Variants in FARP1 observed in about 807,000 individuals in gnomAD.
FARP1 encodes the protein FERM, ARH/RhoGEF and pleckstrin domain protein 1.
Under a neutral mutation model 128.8 loss-of-function variants are expected in FARP1, and 52 were observed. That is an observed-to-expected ratio of 0.40 (90% CI 0.32 to 0.51). The LOEUF (loss-of-function observed/expected upper bound fraction) is 0.51. FARP1 is among the 20% of genes least tolerant of loss of function. The probability of loss-of-function intolerance (pLI) is 0.45; values close to 1 mark genes in which losing one functional copy is unlikely to be tolerated. For synonymous variants in FARP1, 580 were observed against 551.8 expected (o/e 1.05, Z -0.72); for missense variants, 1,333 against 1,367.9 (o/e 0.97, Z 0.40).
chr13:98,330,186 G>T (rs2139822564), intron 2 of FARP1, among the ~76,000 whole-genome samples: 1 of 152,248 alleles, frequency 6.6e-6, no homozygotes, highest in East Asian at 1.9e-4. Context: ...CTGGAGAGGA[G>T]TGAGCCAGAG....
intron 2 of FARP1, among the ~76,000 whole-genome samples, chr13:98,265,831 C>T (rs1250188396): frequency 6.6e-6 from 1 of 152,160 alleles, no homozygotes; most frequent in African/African-American, 2.4e-5. Flanking sequence ...GATGCCGTCA[C>T]AGACTTCACA....
At chr13:98,170,920 T>G (rs959309941) in intron 1 of FARP1, among the ~76,000 whole-genome samples, 1 of 152,208 alleles carries the variant, frequency 6.6e-6, no homozygotes, top group Non-Finnish European at 1.5e-5. Flanking sequence ...TTGGAATTTT[T>G]GTGCACATGG....
intron 18 of FARP1, chr13:98,434,484 G>A (rs1208664846): frequency 6.6e-6 from 1 of 152,192 alleles, no homozygotes; most frequent in Non-Finnish European, 1.5e-5. Context: ...GGAAAGCAGT[G>A]AAAGAGGTAT....
At chr13:98,272,307 G>T (rs1884428319) in intron 2 of FARP1, among the ~76,000 whole-genome samples, 1 of 152,144 alleles carries the variant, frequency 6.6e-6, no homozygotes, top group East Asian at 1.9e-4. Context: ...TGGGATTACA[G>T]GTGTGAGCCA....
At chr13:98,300,607 C>G (rs1017601275) in intron 2 of FARP1, among the ~76,000 whole-genome samples, 2 of 152,238 alleles carry the variant, frequency 1.3e-5, no homozygotes, top group Admixed American at 6.5e-5. Flanking sequence ...GTGGCTTCAT[C>G]AGCTCTTCCA....
intron 18 of FARP1, chr13:98,432,699 C>T (rs1892080887): frequency 1.3e-5 from 2 of 152,314 alleles, no homozygotes; most frequent in South Asian, 4.1e-4. Context: ...CTGACTGCCT[C>T]AGGCTAAAAT....
intron 2 of FARP1, among the ~76,000 whole-genome samples, chr13:98,225,236 A>T (rs1268496733): frequency 6.6e-6 from 1 of 152,172 alleles, no homozygotes; most frequent in African/African-American, 2.4e-5. Context: ...TGGTTTCGTG[A>T]TCCAGTGCCG....
intron 2 of FARP1, among the ~76,000 whole-genome samples, chr13:98,240,215 CG>C (rs2139442603): frequency 6.6e-6 from 1 of 152,272 alleles, no homozygotes; most frequent in African/African-American, 2.4e-5. Context: ...GGTAGACGCA[CG>C]TTTTTTGGGA....
rs1566300596 is a variant in FARP1, at chr13:98,410,721, C to G, written c.1603-13C>G. Reference sequence around the variant, plus strand: ...TGATTATTGCGCTTTGTTTCTTTTGCTGGGTTTTGCAGAGATTCCCAACTG... The same window carrying G: ...TGATTATTGCGCTTTGTTTCTTTTGGTGGGTTTTGCAGAGATTCCCAACTG... On this transcript the variant is annotated splice_polypyrimidine_tract_variant and intron_variant, in intron 14 of 26. Transcript: ENST00000319562. 6.7e-7 allele frequency: 1 copy of G among 1,495,458 alleles called. No individual in the cohort carries two copies. The highest frequency in any genetic ancestry group is 9.3e-7 in the Non-Finnish European group (1 of 1,078,824). The allele number at this position is 1,495,458 out of a possible 1,614,324, so 92.6% of individuals were successfully genotyped here. A position where few individuals can be genotyped will look rare whatever the true frequency, so the allele number is the denominator to read the frequency against.
chr13:98,304,573 C>T (rs546800258), intron 2 of FARP1, among the ~76,000 whole-genome samples: 91 of 152,198 alleles, frequency 6.0e-4, no homozygotes, highest in African/African-American at 2.2e-3. Context: ...GACACAGGAA[C>T]CAGGAAAGCT....
intron 24 of FARP1, among the ~76,000 whole-genome samples, chr13:98,441,599 G>T (rs1257594549): frequency 6.6e-6 from 1 of 152,224 alleles, no homozygotes; most frequent in African/African-American, 2.4e-5. Flanking sequence ...TACAGTGGGG[G>T]TCTTAGAACC....
intron 1 of FARP1, among the ~76,000 whole-genome samples, chr13:98,170,725 C>CA (rs780043845): frequency 9.9e-5 from 15 of 152,144 alleles, no homozygotes; most frequent in Non-Finnish European, 1.9e-4. Flanking sequence ...CTCCTGATCT[C>CA]AAGTGATCTG....
At chr13:98,278,172 A>AGTGTGTGTGTGTGTGTGT (rs58097403) in intron 2 of FARP1, among the ~76,000 whole-genome samples, 1 of 149,856 alleles carries the variant, frequency 6.7e-6, no homozygotes, top group African/African-American at 2.5e-5. Context: ...TGAGTGAGTG[A>AGTGTGTGTGTGTGTGTGT]GTGTGTGTGT....
chr13:98,193,051 C>A lies in FARP1; in HGVS notation c.-23-20169C>A, dbSNP rs922362456. On this transcript the variant is annotated intron_variant, in intron 1 of 26. Coordinates refer to ENST00000319562, the MANE Select transcript of FARP1 (RefSeq NM_005766.4). ...TTATGGTTGCCAATTACCAGACAAC[C>A]AGACTGTTCTTTTTTTTTTTTTTCG... Among the ~76,000 whole-genome samples, 4 of 150,800 alleles carry A rather than the reference C, an allele frequency of 2.7e-5. No homozygotes were observed. In the East Asian group the frequency reaches 7.8e-4, roughly 29 times the overall value.
intron 2 of FARP1, among the ~76,000 whole-genome samples, chr13:98,307,651 A>G (rs1442993372): frequency 2.0e-5 from 3 of 151,994 alleles, no homozygotes; most frequent in African/African-American, 7.3e-5. Context: ...GTCCCCTTGT[A>G]TTTCCTGCTA....
chr13:98,148,166 G>A (rs1343007106), intron 1 of FARP1, among the ~76,000 whole-genome samples: 1 of 152,138 alleles, frequency 6.6e-6, no homozygotes, highest in African/African-American at 2.4e-5. Context: ...ATCATCTGAG[G>A]TCAGGAGTTC....
rs752761414 is a variant in FARP1 at position 98,446,098 on chromosome 13, A to G, written c.2797A>G (p.Asn933Asp). ...SMVDFSIAVE[N>D]QLSGNLLRKF... ...TCTCACAGGCCTCCTTGCCTTTCAGAATCAGTTGTCTGGAAACCTGCTGAG... is the reference window on the plus strand; with the variant it reads ...TCTCACAGGCCTCCTTGCCTTTCAGGATCAGTTGTCTGGAAACCTGCTGAG... The change falls in exon 25 of 27, where the codon AAT (asparagine) becomes GAT (aspartate). Residue 933 changes from asparagine to aspartate, a missense_variant and splice_region_variant. Transcript: ENST00000319562. 1 of 1,611,080 alleles carries G rather than the reference A, an allele frequency of 6.2e-7. No homozygotes were observed. Among genetic ancestry groups the G allele is most frequent in the East Asian group, 2.2e-5 (1 of 44,862 alleles).
intron 2 of FARP1, among the ~76,000 whole-genome samples, chr13:98,215,817 A>C (rs1432413805): frequency 1.3e-5 from 2 of 149,320 alleles, no homozygotes; most frequent in African/African-American, 5.0e-5. Flanking sequence ...TTTGAGACGG[A>C]GTCTTGCTGT....
In FARP1 at chr13:98,448,642, C is replaced by A. The variant is rs1893016976; in HGVS notation, c.*325C>A. On this transcript the variant is annotated 3_prime_UTR_variant, in exon 27 of 27. Coordinates refer to ENST00000319562, the MANE Select transcript of FARP1 (RefSeq NM_005766.4). ...AAACAGTACACACACATCCGTTCAA[C>A]ACAAGACAGGGCAAGTGTTTTTCTT... 7.8e-6 allele frequency: 2 copies of A among 255,840 alleles called. No individual in the cohort carries two copies. The allele number at this position is 255,840 out of a possible 1,614,324, so 15.8% of individuals were successfully genotyped here. A position where few individuals can be genotyped will look rare whatever the true frequency, so the allele number is the denominator to read the frequency against.
Sources: gnomAD v4.1 joint callset for allele counts (sites outside exome capture counted in the v4.1 genomes callset) on GRCh38, gnomAD v4.1.1 for gene constraint, MANE v1.5 for transcripts, NCBI Gene and HGNC (gene_info 2026-07-23, HGNC 2026-07-21) for gene names.